Variants in LTBP2 observed in about 807,000 individuals in gnomAD.
LTBP2 encodes latent transforming growth factor beta binding protein 2, also known as latent-transforming growth factor beta-binding protein 2.
A neutral mutation model predicts 210.6 loss-of-function variants in LTBP2; 103 were observed. The ratio of observed to expected loss-of-function variants is 0.49; its 90% confidence interval spans 0.42 to 0.58. The LOEUF is 0.58. Ranked by LOEUF, LTBP2 falls within the 20% of genes least tolerant of loss-of-function variation. The pLI is 0.00. For synonymous variants in LTBP2, 1,007 were observed against 1,015.0 expected, an observed-to-expected ratio of 0.99 and a Z score of 0.15; for missense variants, 2,313 against 2,494.5, an observed-to-expected ratio of 0.93 and a Z score of 1.55.
At position 74,611,543 on chromosome 14, in the gene LTBP2, G is replaced by C. The variant is rs2088608788; in HGVS notation, c.402C>G (p.Pro134=). The C allele has an allele frequency of 6.4e-7, 1 of 1,569,246 alleles. No homozygotes were observed. Among genetic ancestry groups the C allele is most frequent in the Non-Finnish European group, 8.6e-7 (1 of 1,165,020 alleles). The change falls in exon 1 of 36, where the codon CCC becomes CCG. Residue 134 remains proline, a synonymous_variant. Transcript: ENST00000261978. ...GGAGAGCCGGCGCGGCCCGGGTCCG[G>C]GGTGCTGGTTGCTGCTGGCCCAGGG... ...STPLGQQQPA[P]RTRAAPALPR...
In LTBP2 at chr14:74,511,567, A is replaced by G. The variant is rs957902182; in HGVS notation, c.2909-203T>C. On this transcript the variant is annotated intron_variant, in intron 18 of 35. Transcript: ENST00000261978. Reference sequence around the variant, plus strand: ...ACAAAAGAGGGAGATGGAAGAACTTAAAAATTAGAAAGGGAGACTCCCTGG... The same window carrying G: ...ACAAAAGAGGGAGATGGAAGAACTTGAAAATTAGAAAGGGAGACTCCCTGG... Among the ~76,000 whole-genome samples, 3 of 152,204 alleles carry G rather than the reference A, an allele frequency of 2.0e-5. No individual in the cohort carries two copies. The East Asian group carries it at 5.8e-4, about 29-fold the overall frequency.
intron 3 of LTBP2, among the ~76,000 whole-genome samples, chr14:74,566,132 C>T (rs954135118): frequency 9.9e-5 from 15 of 151,864 alleles, no homozygotes; most frequent in African/African-American, 3.4e-4. Flanking sequence ...GCTAATAAAA[C>T]TGTTCCCAGC....
At chr14:74,574,821 T>C (rs1260607719) in intron 3 of LTBP2, among the ~76,000 whole-genome samples, 1 of 152,184 alleles carries the variant, frequency 6.6e-6, no homozygotes. Flanking sequence ...GTTTGAGATC[T>C]TCTTGGGCCA....
In LTBP2 at chr14:74,552,361, G is replaced by T; in HGVS notation, c.1225C>A (p.Arg409Ser). ...FCQIPCLNGG[R>S]CIGRDECWCP... ...CAGCATTCGTCCCTGCCGATGCAGC[G>T]GCCTCCGTTCAGGCAGGGGATCTGG... Residue 409 changes from arginine to serine, a missense_variant, in exon 6 of 36, where the codon CGC becomes AGC. Coordinates refer to ENST00000261978, the MANE Select transcript of LTBP2 (RefSeq NM_000428.3). 2 of 1,610,726 alleles carry T rather than the reference G, an allele frequency of 1.2e-6. No homozygotes were observed. Among genetic ancestry groups the T allele is most frequent in the South Asian group, 2.2e-5 (2 of 91,084 alleles).
At chr14:74,608,107 A>G (rs2088553708) in intron 1 of LTBP2, among the ~76,000 whole-genome samples, 1 of 150,966 alleles carries the variant, frequency 6.6e-6, no homozygotes, top group Non-Finnish European at 1.5e-5. Flanking sequence ...TTTTTAGTAG[A>G]GACGGGGTTT....
chr14:74,547,736 G>C (rs2087595534), intron 8 of LTBP2, among the ~76,000 whole-genome samples: 1 of 152,112 alleles, frequency 6.6e-6, no homozygotes, highest in South Asian at 2.1e-4. Context: ...CAGCACCTTG[G>C]TCAGCGCAGC....
chr14:74,599,061 G>T (rs1227893818), intron 2 of LTBP2, among the ~76,000 whole-genome samples: 1 of 152,222 alleles, frequency 6.6e-6, no homozygotes, highest in African/African-American at 2.4e-5. Flanking sequence ...GGTACCTGGT[G>T]CACAGTAAGA....
intron 3 of LTBP2, among the ~76,000 whole-genome samples, chr14:74,574,712 G>A (rs2088032833): frequency 6.6e-6 from 1 of 152,190 alleles, no homozygotes; most frequent in African/African-American, 2.4e-5. Context: ...GCAGGGCTGG[G>A]AGGAGTCCTC....
At chr14:74,519,320 C>T (rs549062254) in intron 17 of LTBP2, among the ~76,000 whole-genome samples, 16 of 152,108 alleles carry the variant, frequency 1.1e-4, no homozygotes, top group Non-Finnish European at 2.4e-4. Flanking sequence ...GAATATATAA[C>T]GGACTCCTAA....
intron 3 of LTBP2, among the ~76,000 whole-genome samples, chr14:74,559,584 C>T (rs1235715284): frequency 6.6e-6 from 1 of 152,120 alleles, no homozygotes; most frequent in Non-Finnish European, 1.5e-5. Context: ...CCCTGGTGGT[C>T]TCCAATTGGT....
At chr14:74,593,142 A>T (rs908675310) in intron 2 of LTBP2, among the ~76,000 whole-genome samples, 3 of 151,656 alleles carry the variant, frequency 2.0e-5, no homozygotes, top group Non-Finnish European at 2.9e-5. Context: ...TTCTCCCTTC[A>T]CTCCACCCCA....
chr14:74,610,624 C>A (rs1179919162), intron 1 of LTBP2, among the ~76,000 whole-genome samples: 1 of 152,240 alleles, frequency 6.6e-6, no homozygotes, highest in African/African-American at 2.4e-5. Flanking sequence ...GCGGAGCGTG[C>A]CCGCAGCCAT....
chr14:74,599,754 G>T (rs1269777500), intron 2 of LTBP2, among the ~76,000 whole-genome samples: 1 of 152,248 alleles, frequency 6.6e-6, no homozygotes, highest in Non-Finnish European at 1.5e-5. Flanking sequence ...GGACTGGTGT[G>T]TGACAGTGAC....
intron 3 of LTBP2, among the ~76,000 whole-genome samples, chr14:74,578,814 G>A (rs371432271): frequency 1.6e-4 from 25 of 152,350 alleles, no homozygotes; most frequent in African/African-American, 6.0e-4. Context: ...TCCCCAGGCT[G>A]GGTGTCTGTT....
At chr14:74,599,168 C>T (rs1483364258) in intron 2 of LTBP2, among the ~76,000 whole-genome samples, 1 of 152,254 alleles carries the variant, frequency 6.6e-6, no homozygotes, top group Non-Finnish European at 1.5e-5. Flanking sequence ...AAGGGCCAGT[C>T]ACTTCCCCCA....
At chr14:74,592,220 T>C (rs1258369454) in intron 2 of LTBP2, among the ~76,000 whole-genome samples, 1 of 152,210 alleles carries the variant, frequency 6.6e-6, no homozygotes, top group Non-Finnish European at 1.5e-5. Context: ...CAGAGGCTAT[T>C]GCTTAGAGCA....
At chr14:74,519,385 C>G (rs1045712476) in intron 17 of LTBP2, among the ~76,000 whole-genome samples, 1 of 151,824 alleles carries the variant, frequency 6.6e-6, no homozygotes, top group Admixed American at 6.6e-5. Flanking sequence ...AAAATGGGAG[C>G]CAGCAGTTTA....
In LTBP2 at chr14:74,585,905, G is replaced by A; in HGVS notation, c.779C>T (p.Ala260Val). Residue 260 changes from alanine to valine, a missense_variant, in exon 3 of 36, where the codon GCA becomes GTA. By Grantham distance (64) the Ala-to-Val change is moderately conservative (BLOSUM62 0). Coordinates refer to ENST00000261978, the MANE Select transcript of LTBP2 (RefSeq NM_000428.3). ...CGGCGACTGTGGTGCTGGCGGCTGT[G>A]CTCTGGCCAAGGTGCCCTCTCCAGC... The part of the protein sequence containing the change: ...SAAGEGTLAR[A>V]QPPAPQSPPA... 1.2e-6 allele frequency: 2 copies of A among 1,613,066 alleles called. No homozygotes were observed. Among genetic ancestry groups the A allele is most frequent in the South Asian group, 1.1e-5 (1 of 91,070 alleles).
intron 9 of LTBP2, among the ~76,000 whole-genome samples, chr14:74,532,795 T>C (rs2087368787): frequency 6.6e-6 from 1 of 152,210 alleles, no homozygotes; most frequent in African/African-American, 2.4e-5. Context: ...GTCCAATAAG[T>C]GGCATGTAAC....
Sources: allele counts gnomAD v4.1 joint callset (sites outside exome capture counted in the v4.1 genomes callset), GRCh38; gene constraint gnomAD v4.1.1; transcripts MANE v1.5; gene names NCBI Gene and HGNC (gene_info 2026-07-23, HGNC 2026-07-21).